Variants in PHACTR2 observed in about 807,000 individuals in gnomAD.
PHACTR2 encodes chromosome 6 open reading frame 56.
Under a neutral mutation model 76.0 loss-of-function variants are expected in PHACTR2, and 30 were observed. That is an observed-to-expected ratio of 0.39 (90% CI 0.30 to 0.54). The LOEUF (loss-of-function observed/expected upper bound fraction) is 0.54, where lower values mean the gene tolerates loss of function less well. Among genes scored for constraint, PHACTR2 ranks in the 20% least tolerant of loss-of-function variants. The pLI, the probability that PHACTR2 is intolerant of heterozygous loss-of-function variation, is 0.61. For synonymous variants in PHACTR2, 292 were observed against 292.5 expected (o/e 1.00, Z 0.02); for missense variants, 696 against 781.1 (o/e 0.89, Z 1.30).
At chr6:143,705,519 C>T (rs770088091) in intron 1 of PHACTR2, among the ~76,000 whole-genome samples, 3 of 152,118 alleles carry the variant, frequency 2.0e-5, no homozygotes, top group Non-Finnish European at 4.4e-5. Flanking sequence ...TGGTCTCGAT[C>T]TCCTGACCTC....
chr6:143,576,724 A>G (rs929246365), intron 1 of PHACTR2, among the ~76,000 whole-genome samples: 1 of 152,036 alleles, frequency 6.6e-6, no homozygotes, highest in African/African-American at 2.4e-5. Context: ...TAAAAATACA[A>G]AATTAACCGG....
chr6:143,682,169 C>T (rs1187164689), intron 1 of PHACTR2, among the ~76,000 whole-genome samples: 1 of 152,236 alleles, frequency 6.6e-6, no homozygotes, highest in Non-Finnish European at 1.5e-5. Flanking sequence ...GTACTGCTGT[C>T]TTAACAATAT....
intron 2 of PHACTR2, among the ~76,000 whole-genome samples, chr6:143,723,856 C>A (rs1422334021): frequency 6.6e-6 from 1 of 152,178 alleles, no homozygotes; most frequent in South Asian, 2.1e-4. Flanking sequence ...GACAGGACAT[C>A]TTGGTTTTGT....
At chr6:143,635,899 C>G (rs1776444034) in intron 1 of PHACTR2, among the ~76,000 whole-genome samples, 2 of 152,080 alleles carry the variant, frequency 1.3e-5, no homozygotes, top group Admixed American at 1.3e-4. Flanking sequence ...AAAGCTCTCC[C>G]CTTCCTAATT....
intron 1 of PHACTR2, among the ~76,000 whole-genome samples, chr6:143,636,214 G>GAAA (rs397950323): frequency 7.1e-6 from 1 of 140,384 alleles, no homozygotes; most frequent in Non-Finnish European, 1.5e-5. Context: ...ACCTGTCTCA[G>GAAA]AAAAAAAAAA....
Position 143,811,979 on chromosome 6 carries a change from G to A in PHACTR2, c.1922+4846G>A, listed in dbSNP as rs1776183844. Among the ~76,000 whole-genome samples, 1 of 152,170 alleles carries A rather than the reference G, an allele frequency of 6.6e-6. No individual in the cohort carries two copies. Among genetic ancestry groups the A allele is most frequent in the South Asian group, 2.1e-4 (1 of 4,834 alleles). On this transcript the variant is annotated intron_variant, in intron 12 of 12. Transcript: ENST00000440869. This position sits in a 1 kb window ranked among gnomAD's most constrained non-coding sequence, Gnocchi z 4.1. ...TTCAATGCAACCTAGATACACAGCA[G>A]CTCTCCTTTCCTCTTATTAGCATGA... is the stretch of plus-strand genomic sequence containing the variant.
At position 143,791,145 on chromosome 6, in the gene PHACTR2, T is replaced by C. The variant is rs1421966356; in HGVS notation, c.1845+2235T>C. On this transcript the variant is annotated intron_variant, in intron 11 of 12. Coordinates refer to ENST00000440869, the MANE Select transcript of PHACTR2 (RefSeq NM_001100164.2). The surrounding 1 kb of genome is among the most constrained non-coding windows in gnomAD (Gnocchi z 4.7). ...TTGCTTTTCACATTTAACTTTTTTGTTTACCTGGAGTTGTTTTTTGGGGGA... is the reference window on the plus strand; with the variant it reads ...TTGCTTTTCACATTTAACTTTTTTGCTTACCTGGAGTTGTTTTTTGGGGGA... Among the ~76,000 whole-genome samples the C allele has an allele frequency of 6.6e-5, 10 of 152,252 alleles. No individual in the cohort carries two copies. Among genetic ancestry groups the C allele is most frequent in the Admixed American group, 6.5e-4 (10 of 15,284 alleles).
intron 1 of PHACTR2, among the ~76,000 whole-genome samples, chr6:143,699,580 A>C (rs902398247): frequency 6.6e-6 from 1 of 152,160 alleles, no homozygotes; most frequent in Admixed American, 6.5e-5. Flanking sequence ...TGCATTTCTG[A>C]CTGTCCGTTG....
intron 1 of PHACTR2, among the ~76,000 whole-genome samples, chr6:143,565,486 T>G (rs1239417887): frequency 6.7e-6 from 1 of 150,120 alleles, no homozygotes; most frequent in Non-Finnish European, 1.5e-5. Flanking sequence ...GGCGTGGTGG[T>G]GGGCGCTACA....
At position 143,765,610 on chromosome 6, in the gene PHACTR2, C is replaced by G; in HGVS notation, c.1044C>G (p.Ala348=). The change falls in exon 6 of 13, where the codon GCC becomes GCG. Residue 348 remains alanine (A), a synonymous_variant. Transcript: ENST00000440869. This position sits in a 1 kb window ranked among gnomAD's most constrained non-coding sequence, Gnocchi z 4.1. ...PPVAPAPSPL[A]PPLPLEDQCI... is the part of the protein sequence containing the mutation. ...TGGCTCCAGCACCTTCTCCTCTGGC[C>G]CCCCCTCTCCCTCTTGAGGATCAGT... is the stretch of plus-strand genomic sequence containing the variant. 1 of 1,614,074 alleles carries G rather than the reference C, an allele frequency of 6.2e-7. No homozygotes were observed. Among genetic ancestry groups the G allele is most frequent in the East Asian group, 2.2e-5 (1 of 44,870 alleles).
rs557757323 is a variant in PHACTR2, at chr6:143,801,485, G to A, written c.1846-5572G>A. ...CTGATATACTTTCTTCCGCTTGATC[G>A]AAGTGGCTATTGAGGCTTGTGTATG... is the stretch of plus-strand genomic sequence containing the variant. On this transcript the variant is annotated intron_variant, in intron 11 of 12. Transcript: ENST00000440869. This position sits in a 1 kb window ranked among gnomAD's most constrained non-coding sequence, Gnocchi z 4.6. 7.9e-5 allele frequency among the ~76,000 whole-genome samples: 12 copies of A among 152,078 alleles called. No individual in the cohort carries two copies. The highest frequency in any genetic ancestry group is 2.7e-4 in the African/African-American group (11 of 41,472).
rs960365025 is a variant in PHACTR2 at position 143,827,439 on chromosome 6, T to G, written c.*3750T>G. Reference sequence around the variant, plus strand: ...CTTTCTTCCTTTCCTGCCCAAAAATTTCTTCAGTCTGTTATTATTTTTAAG... The same window carrying G: ...CTTTCTTCCTTTCCTGCCCAAAAATGTCTTCAGTCTGTTATTATTTTTAAG... On this transcript the variant is annotated 3_prime_UTR_variant, in exon 13 of 13. Transcript: ENST00000440869. 6.6e-6 allele frequency: 1 copy of G among 151,798 alleles called. No homozygotes were observed. The highest frequency in any genetic ancestry group is 1.5e-5 in the Non-Finnish European group (1 of 67,962). 9.4% of individuals were successfully genotyped at this position (151,798 alleles called of 1,614,324 possible).
At position 143,760,140 on chromosome 6, in the gene PHACTR2, C is replaced by T. The variant is rs957112475; in HGVS notation, c.455-261C>T. 1.3e-5 allele frequency among the ~76,000 whole-genome samples: 2 copies of T among 152,224 alleles called. No homozygotes were observed. Among genetic ancestry groups the T allele is most frequent in the African/African-American group, 4.8e-5 (2 of 41,454 alleles). On this transcript the variant is annotated intron_variant, in intron 4 of 12. Transcript: ENST00000440869. This position sits in a 1 kb window ranked among gnomAD's most constrained non-coding sequence, Gnocchi z 6.4. ...GCCCCTGACTGCAAACATTTACACA[C>T]ATCCTCAACCTAATTTCGTCAAAGT...
intron 1 of PHACTR2, among the ~76,000 whole-genome samples, chr6:143,600,400 T>C (rs1218538352): frequency 6.6e-6 from 1 of 152,272 alleles, no homozygotes; most frequent in Non-Finnish European, 1.5e-5. Flanking sequence ...GTCAAACAGA[T>C]GCCTTCCTCT....
intron 11 of PHACTR2, among the ~76,000 whole-genome samples, chr6:143,792,786 A>G (rs1046897454): frequency 1.3e-5 from 2 of 152,090 alleles, no homozygotes; most frequent in Non-Finnish European, 2.9e-5. Context: ...TGGTGGCCCG[A>G]GTCATCAGTC....
At chr6:143,674,987 C>T (rs75971789), upstream of PHACTR2, among the ~76,000 whole-genome samples, 337 of 152,328 alleles carry the variant, frequency 2.2e-3, 6 homozygotes, top group East Asian at 0.036. This position sits in a 1 kb window ranked among gnomAD's most constrained non-coding sequence, Gnocchi z 4.9. Context: ...GATATAGTGG[C>T]TTCCATCCAG....
At position 143,772,533 on chromosome 6, in the gene PHACTR2, C is replaced by T. The variant is rs1319952750; in HGVS notation, c.1432+76C>T. On this transcript the variant is annotated intron_variant, in intron 7 of 12. Transcript: ENST00000440869. This position sits in a 1 kb window ranked among gnomAD's most constrained non-coding sequence, Gnocchi z 5.4. ...AGCTGCAGTTTATAAAGAATAAAAGCCTCATTAGGAACCAGACATCTGATG... is the reference window on the plus strand; with the variant it reads ...AGCTGCAGTTTATAAAGAATAAAAGTCTCATTAGGAACCAGACATCTGATG... 3 of 1,030,226 alleles carry T rather than the reference C, an allele frequency of 2.9e-6. No homozygotes were observed. The highest frequency in any genetic ancestry group is 3.2e-5 in the African/African-American group (2 of 62,374). The allele number at this position is 1,030,226 out of a possible 1,614,324, so 63.8% of individuals were successfully genotyped here. A position where few individuals can be genotyped will look rare whatever the true frequency, so the allele number is the denominator to read the frequency against.
intron 6 of PHACTR2, among the ~76,000 whole-genome samples, chr6:143,769,926 A>C (rs1775057435): frequency 6.6e-6 from 1 of 152,214 alleles, no homozygotes; most frequent in African/African-American, 2.4e-5. Flanking sequence ...GAGATTTCAC[A>C]CTGTGGAAAA....
At chr6:143,724,736 C>T (rs1294663590) in intron 2 of PHACTR2, among the ~76,000 whole-genome samples, 2 of 152,162 alleles carry the variant, frequency 1.3e-5, no homozygotes, top group Non-Finnish European at 2.9e-5. Context: ...TTGTTGAGCC[C>T]TGGTTTGTGC....
Sources: allele counts gnomAD v4.1 joint callset (sites outside exome capture counted in the v4.1 genomes callset), GRCh38; gene constraint gnomAD v4.1.1; non-coding constraint Gnocchi (gnomAD v3.1); transcripts MANE v1.5; gene names NCBI Gene and HGNC (gene_info 2026-07-23, HGNC 2026-07-21).